Variants in BACH2 observed in about 807,000 individuals in gnomAD.
BACH2 encodes the protein transcription regulator protein BACH2.
Under a neutral mutation model 61.8 loss-of-function variants are expected in BACH2, and 5 were observed. The observed-to-expected ratio is 0.08, with a 90% confidence interval of 0.04 to 0.17. The LOEUF (loss-of-function observed/expected upper bound fraction) is 0.17, where lower values mean the gene tolerates loss of function less well. Ranked by LOEUF, BACH2 falls within the 10% of genes least tolerant of loss-of-function variation. The pLI is 1.00. For missense variants in BACH2, 824 were observed against 1,091.1 expected (o/e 0.76, Z 3.45); for synonymous variants, 446 against 440.1 (o/e 1.01, Z -0.17).
intron 4 of BACH2, among the ~76,000 whole-genome samples, chr6:90,160,147 A>G (rs1463761885): frequency 6.6e-6 from 1 of 152,240 alleles, no homozygotes; most frequent in Non-Finnish European, 1.5e-5. Context: ...TCCCTAAAAG[A>G]GCAGTCCATC....
At position 89,927,721 on chromosome 6, in the gene BACH2, T is replaced by C. The variant is rs892797167; in HGVS notation, c.*4687A>G. ...ACATTTAAAATGCACTGATATTCAT[T>C]TGATAGAAATATCATCTCCCAGGGT... On this transcript the variant is annotated 3_prime_UTR_variant, in exon 9 of 9. Coordinates refer to ENST00000257749, the MANE Select transcript of BACH2 (RefSeq NM_021813.4). 6.5e-6 allele frequency: 1 copy of C among 152,818 alleles called. No individual in the cohort carries two copies. The highest frequency in any genetic ancestry group is 1.5e-5 in the Non-Finnish European group (1 of 68,046). 9.5% of individuals were successfully genotyped at this position (152,818 alleles called of 1,614,324 possible). A position where few individuals can be genotyped will look rare whatever the true frequency, so the allele number is the denominator to read the frequency against.
chr6:90,225,252 A>C (rs1769873486), intron 3 of BACH2, among the ~76,000 whole-genome samples: 1 of 152,108 alleles, frequency 6.6e-6, no homozygotes, highest in South Asian at 2.1e-4. Context: ...ATGGTGGTGC[A>C]TGCCTGTAGT....
At chr6:90,295,568 C>T (rs1772320177) in intron 1 of BACH2, among the ~76,000 whole-genome samples, 1 of 152,130 alleles carries the variant, frequency 6.6e-6, no homozygotes, top group Non-Finnish European at 1.5e-5. Flanking sequence ...CACGGAGCGC[C>T]TCGACGCGGG....
chr6:90,103,029 A>ATATTTTT, intron 4 of BACH2, among the ~76,000 whole-genome samples: 6 of 21,164 alleles, frequency 2.8e-4, no homozygotes, highest in Non-Finnish European at 4.8e-4. Flanking sequence ...ATATATATAT[A>ATATTTTT]TTTTTTTTTT....
intron 4 of BACH2, among the ~76,000 whole-genome samples, chr6:90,100,702 G>GAC (rs372719418): frequency 0.012 from 784 of 64,266 alleles, 4 homozygotes; most frequent in South Asian, 0.06. Context: ...CACACACACA[G>GAC]ACACACACAC....
chr6:90,000,209 T>TG (rs1399259702), intron 6 of BACH2, among the ~76,000 whole-genome samples: 1 of 152,204 alleles, frequency 6.6e-6, no homozygotes, highest in Non-Finnish European at 1.5e-5. Flanking sequence ...CCCCTTTCTG[T>TG]GGCGCTGCCT....
At chr6:90,154,329 A>G (rs1334019853) in intron 4 of BACH2, among the ~76,000 whole-genome samples, 1 of 152,202 alleles carries the variant, frequency 6.6e-6, no homozygotes, top group Non-Finnish European at 1.5e-5. Context: ...AAGTCTCAAG[A>G]GCCCAATCAC....
At chr6:90,047,076 A>G (rs1166175108) in intron 5 of BACH2, among the ~76,000 whole-genome samples, 1 of 152,140 alleles carries the variant, frequency 6.6e-6, no homozygotes, top group African/African-American at 2.4e-5. Context: ...GATTACAGGC[A>G]TCTGCCATTA....
chr6:90,198,812 C>T (rs1768856181), intron 4 of BACH2, among the ~76,000 whole-genome samples: 1 of 152,166 alleles, frequency 6.6e-6, no homozygotes, highest in Admixed American at 6.5e-5. Context: ...GGCTGTGTCC[C>T]CACCCAAATT....
At chr6:89,962,264 C>T (rs868342662) in intron 6 of BACH2, among the ~76,000 whole-genome samples, 4 of 152,120 alleles carry the variant, frequency 2.6e-5, no homozygotes, top group Non-Finnish European at 5.9e-5. Flanking sequence ...CCTAGGGCTT[C>T]CTTTCCCTTT....
At chr6:90,175,627 T>A (rs1767960292) in intron 4 of BACH2, among the ~76,000 whole-genome samples, 1 of 152,096 alleles carries the variant, frequency 6.6e-6, no homozygotes, top group Non-Finnish European at 1.5e-5. Flanking sequence ...CTCAGATCAA[T>A]AAACAGGCAA....
At chr6:90,068,602 T>C (rs549453639) in intron 5 of BACH2, among the ~76,000 whole-genome samples, 72 of 151,824 alleles carry the variant, frequency 4.7e-4, no homozygotes, top group Non-Finnish European at 8.8e-4. Context: ...AGAAACACCA[T>C]GCTCCATAAA....
chr6:90,059,632 C>T (rs1780573444), intron 5 of BACH2, among the ~76,000 whole-genome samples: 1 of 152,092 alleles, frequency 6.6e-6, no homozygotes, highest in Non-Finnish European at 1.5e-5. Flanking sequence ...TGGGTATATA[C>T]CCAAAGGATT....
intron 4 of BACH2, among the ~76,000 whole-genome samples, chr6:90,131,510 G>A (rs1011662902): frequency 6.6e-6 from 1 of 152,142 alleles, no homozygotes; most frequent in Non-Finnish European, 1.5e-5. Flanking sequence ...TGCTTCTAAT[G>A]GCCCAAATCT....
intron 4 of BACH2, among the ~76,000 whole-genome samples, chr6:90,188,117 A>G (rs1049264314): frequency 3.9e-5 from 6 of 152,186 alleles, no homozygotes; most frequent in Non-Finnish European, 7.3e-5. Context: ...ACATCCCTAA[A>G]ACTTTCAGGC....
rs535821617 is a variant in BACH2 at position 90,100,148 on chromosome 6, T to C, written c.-161-11039A>G. Among the ~76,000 whole-genome samples, 6 of 152,384 alleles carry C rather than the reference T, an allele frequency of 3.9e-5. No homozygotes were observed. The South Asian group carries it at 1.0e-3, about 26-fold the overall frequency. On this transcript the variant is annotated intron_variant, in intron 4 of 8. Transcript: ENST00000257749. Reference sequence around the variant, plus strand: ...GCTGCATAATAATCAATTATATTCATCTACCACATCCTGTTTATCCATTTA... The same window carrying C: ...GCTGCATAATAATCAATTATATTCACCTACCACATCCTGTTTATCCATTTA...
intron 1 of BACH2, among the ~76,000 whole-genome samples, chr6:90,279,173 A>T (rs1359774684): frequency 6.6e-6 from 1 of 152,140 alleles, no homozygotes; most frequent in Non-Finnish European, 1.5e-5. Context: ...AAAAATCTAA[A>T]ATCGAACAAA....
intron 5 of BACH2, among the ~76,000 whole-genome samples, chr6:90,038,046 C>A (rs1779348586): frequency 2.0e-5 from 3 of 152,216 alleles, no homozygotes; most frequent in Admixed American, 2.0e-4. Context: ...TGATTTTGGA[C>A]TTCTAACCTC....
At chr6:90,167,914 C>T (rs1767684372) in intron 4 of BACH2, among the ~76,000 whole-genome samples, 2 of 152,204 alleles carry the variant, frequency 1.3e-5, no homozygotes, top group African/African-American at 4.8e-5. Flanking sequence ...ATTGGGCTCT[C>T]TCTCCCTGTA....
Sources: allele counts gnomAD v4.1 joint callset (sites outside exome capture counted in the v4.1 genomes callset), GRCh38; gene constraint gnomAD v4.1.1; transcripts MANE v1.5; gene names NCBI Gene and HGNC (gene_info 2026-07-23, HGNC 2026-07-21).